GPHN: variants seen among roughly 807,000 people sequenced by gnomAD.
The protein encoded by GPHN is gephyrin.
A neutral mutation model predicts 95.5 loss-of-function variants in GPHN; 17 were observed. The observed-to-expected ratio is 0.18, with a 90% confidence interval of 0.12 to 0.27. The LOEUF (loss-of-function observed/expected upper bound fraction) is 0.27. Among genes scored for constraint, GPHN ranks in the 10% least tolerant of loss-of-function variants. The probability of loss-of-function intolerance (pLI) is 1.00; values close to 1 mark genes in which losing one functional copy is unlikely to be tolerated. For missense variants in GPHN, 660 were observed against 978.1 expected, an observed-to-expected ratio of 0.67 and a Z score of 4.34; for synonymous variants, 320 against 322.5, an observed-to-expected ratio of 0.99 and a Z score of 0.08.
intron 1 of GPHN, among the ~76,000 whole-genome samples, chr14:66,572,578 G>A (rs1469215973): frequency 6.6e-6 from 1 of 151,644 alleles, no homozygotes; most frequent in Non-Finnish European, 1.5e-5. Context: ...TGTTGTTAGT[G>A]TATAGAAATG....
chr14:66,641,087 G>A (rs1290972800), intron 1 of GPHN, among the ~76,000 whole-genome samples: 2 of 152,188 alleles, frequency 1.3e-5, no homozygotes, highest in African/African-American at 2.4e-5. Flanking sequence ...AGGCAAACTG[G>A]TGTAGCTACT....
chr14:67,009,706 T>A (rs2072851675), intron 9 of GPHN, among the ~76,000 whole-genome samples: 1 of 152,070 alleles, frequency 6.6e-6, no homozygotes, highest in South Asian at 2.1e-4. Flanking sequence ...ACTAAAAGGT[T>A]TGAATTTTAT....
At chr14:67,171,373 A>G (rs2082587337) in intron 21 of GPHN, among the ~76,000 whole-genome samples, 1 of 151,570 alleles carries the variant, frequency 6.6e-6, no homozygotes, top group African/African-American at 2.4e-5. Context: ...CATCTGGTAA[A>G]GAAAAAAAAA....
chr14:66,526,001 G>GTT (rs566457048), intron 1 of GPHN, among the ~76,000 whole-genome samples: 10 of 144,846 alleles, frequency 6.9e-5, no homozygotes, highest in Non-Finnish European at 1.2e-4. Flanking sequence ...ATTTAAAGTA[G>GTT]TTTTTTTTTT....
intron 1 of GPHN, among the ~76,000 whole-genome samples, chr14:66,605,646 C>T (rs1468240535): frequency 2.0e-5 from 3 of 151,368 alleles, no homozygotes; most frequent in Non-Finnish European, 4.4e-5. Flanking sequence ...TTTCCTGCCT[C>T]AGCCTCCCGA....
chr14:67,585,770 C>A, the GPHN span: 2 of 988,312 alleles, frequency 2.0e-6, no homozygotes, highest in Admixed American at 2.3e-5. Flanking sequence ...TACCCCCACT[C>A]CTGCCCAAGC....
chr14:66,708,082 G>A (rs1264482432), intron 2 of GPHN, among the ~76,000 whole-genome samples: 1 of 152,066 alleles, frequency 6.6e-6, no homozygotes, highest in African/African-American at 2.4e-5. Flanking sequence ...TTTAAAACAT[G>A]CACCCAAGTT....
chr14:67,651,410 T>C, the GPHN span: 3 of 1,613,994 alleles, frequency 1.9e-6, no homozygotes, highest in Non-Finnish European at 2.5e-6. Flanking sequence ...GAATTTGTAG[T>C]AAACCAGGCC....
chr14:66,644,380 A>G (rs1471367716), intron 1 of GPHN, among the ~76,000 whole-genome samples: 3 of 152,166 alleles, frequency 2.0e-5, no homozygotes, highest in Admixed American at 6.5e-5. Flanking sequence ...CTCTACCCAC[A>G]TCAGTATCTT....
intron 9 of GPHN, among the ~76,000 whole-genome samples, chr14:66,999,478 A>G (rs531030699): frequency 6.6e-6 from 1 of 151,770 alleles, no homozygotes; most frequent in Non-Finnish European, 1.5e-5. Flanking sequence ...ATTTATTGTT[A>G]TTTTTCTCTT....
At chr14:66,508,998 G>A (rs1238573381) in intron 1 of GPHN, 10 of 259,936 alleles carry the variant, frequency 3.8e-5, no homozygotes, top group Non-Finnish European at 6.8e-5. Context: ...GAGAGAGGGG[G>A]GAATCCCATC....
At chr14:66,667,122 C>T (rs917679080) in intron 1 of GPHN, among the ~76,000 whole-genome samples, 2 of 152,110 alleles carry the variant, frequency 1.3e-5, no homozygotes, top group Non-Finnish European at 2.9e-5. Flanking sequence ...AATCACTGCT[C>T]AAACAAATCA....
the GPHN span, among the ~76,000 whole-genome samples, chr14:67,520,112 C>T: frequency 6.6e-6 from 1 of 152,204 alleles, no homozygotes; most frequent in Non-Finnish European, 1.5e-5. Context: ...TCCACACATG[C>T]ATAGACTTCC....
chr14:67,700,825 G>T, the GPHN span, among the ~76,000 whole-genome samples: 1 of 151,802 alleles, frequency 6.6e-6, no homozygotes, highest in African/African-American at 2.4e-5. Context: ...AGGAGTTTAA[G>T]ACCAGGCTGG....
chr14:67,338,547 C>A, the GPHN span: 1 of 1,427,610 alleles, frequency 7.0e-7, no homozygotes, highest in Non-Finnish European at 9.3e-7. Context: ...AATAGCCACA[C>A]AAATCAAACC....
At chr14:67,637,384 C>T in the GPHN span, among the ~76,000 whole-genome samples, 2 of 138,458 alleles carry the variant, frequency 1.4e-5, no homozygotes. Flanking sequence ...GCACTCCAGC[C>T]TGAGCGACAG....
chr14:66,604,415 C>T (rs955321301), intron 1 of GPHN, among the ~76,000 whole-genome samples: 18 of 151,946 alleles, frequency 1.2e-4, no homozygotes, highest in African/African-American at 4.1e-4. Flanking sequence ...TGTACGCATT[C>T]GGGTATGAAT....
chr14:67,188,217 T>A, the GPHN span, among the ~76,000 whole-genome samples: 1 of 152,150 alleles, frequency 6.6e-6, no homozygotes, highest in Non-Finnish European at 1.5e-5. Flanking sequence ...TGCCACAAAT[T>A]CAGACTTACA....
At chr14:66,845,969 T>C (rs966745368) in intron 4 of GPHN, among the ~76,000 whole-genome samples, 1 of 152,108 alleles carries the variant, frequency 6.6e-6, no homozygotes, top group Non-Finnish European at 1.5e-5. Context: ...CTAGACCTTA[T>C]AAGAATTTAA....
Sources: gnomAD v4.1 joint callset for allele counts (sites outside exome capture counted in the v4.1 genomes callset) on GRCh38, gnomAD v4.1.1 for gene constraint, MANE v1.5 for transcripts, NCBI Gene and HGNC (gene_info 2026-07-23, HGNC 2026-07-21) for gene names.